GABRG3: variants seen among roughly 807,000 people sequenced by gnomAD.
GABRG3 encodes gamma-aminobutyric acid type A receptor subunit gamma3.
A neutral mutation model predicts 48.8 loss-of-function variants in GABRG3; 25 were observed. That is an observed-to-expected ratio of 0.51 (90% CI 0.37 to 0.72). The LOEUF (loss-of-function observed/expected upper bound fraction) is 0.72, where lower values mean the gene tolerates loss of function less well. GABRG3 is among the 30% of genes least tolerant of loss of function. The probability of loss-of-function intolerance (pLI) is 0.00; values close to 1 mark genes in which losing one functional copy is unlikely to be tolerated. For missense variants in GABRG3, 394 were observed against 577.9 expected (o/e 0.68, Z 3.26); for synonymous variants, 227 against 217.6 (o/e 1.04, Z -0.38).
rs146967827 is a variant in GABRG3 at position 27,321,662 on chromosome 15, G to C, written c.271-5147G>C. 2.2e-3 allele frequency among the ~76,000 whole-genome samples: 339 copies of C among 152,250 alleles called. 1 individual carries two copies. The highest frequency in any genetic ancestry group is 7.8e-3 in the African/African-American group (323 of 41,544). ...ATTTGTTTATCTAACTCAAGCTAACGAGCTGAGGCCCAATAGGGGGAAAGA... is the reference window on the plus strand; with the variant it reads ...ATTTGTTTATCTAACTCAAGCTAACCAGCTGAGGCCCAATAGGGGGAAAGA... On this transcript the variant is annotated intron_variant, in intron 3 of 9. Coordinates refer to ENST00000615808, the MANE Select transcript of GABRG3 (RefSeq NM_033223.5).
At chr15:27,133,099 T>C (rs544940635) in intron 3 of GABRG3, among the ~76,000 whole-genome samples, 2 of 152,252 alleles carry the variant, frequency 1.3e-5, no homozygotes, top group African/African-American at 4.8e-5. Context: ...TTTCCACATA[T>C]TTGTGATTTT....
chr15:27,121,387 A>G (rs548587663), intron 3 of GABRG3, among the ~76,000 whole-genome samples: 2 of 152,314 alleles, frequency 1.3e-5, no homozygotes, highest in Admixed American at 1.3e-4. Context: ...AGCCTTAAAG[A>G]GGGGCTCAAC....
At chr15:27,471,149 T>C (rs1176805838) in intron 5 of GABRG3, among the ~76,000 whole-genome samples, 1 of 151,686 alleles carries the variant, frequency 6.6e-6, no homozygotes, top group African/African-American at 2.4e-5. Flanking sequence ...GTTTAGGGGG[T>C]GGGGGCTAGG....
At chr15:27,494,151 G>A (rs2150850795) in intron 6 of GABRG3, among the ~76,000 whole-genome samples, 1 of 152,038 alleles carries the variant, frequency 6.6e-6, no homozygotes, top group East Asian at 1.9e-4. Context: ...TTTGGTCATT[G>A]TAAATAATTA....
At chr15:27,022,674 G>T (rs973838938) in intron 2 of GABRG3, among the ~76,000 whole-genome samples, 1 of 152,092 alleles carries the variant, frequency 6.6e-6, no homozygotes, top group East Asian at 1.9e-4. Flanking sequence ...TTTTTGGTAC[G>T]TGGCTCTAGG....
intron 3 of GABRG3, among the ~76,000 whole-genome samples, chr15:27,220,647 G>A (rs1233398298): frequency 6.6e-6 from 1 of 152,192 alleles, no homozygotes; most frequent in African/African-American, 2.4e-5. Flanking sequence ...ATGCTAAGAT[G>A]TTCTATAGAG....
intron 3 of GABRG3, among the ~76,000 whole-genome samples, chr15:27,188,906 A>G (rs892732980): frequency 5.4e-4 from 81 of 150,374 alleles, no homozygotes; most frequent in African/African-American, 1.9e-3. Flanking sequence ...ATTTTTGTAT[A>G]AGGTGTAAGG....
intron 3 of GABRG3, among the ~76,000 whole-genome samples, chr15:27,217,423 G>T (rs951340725): frequency 6.6e-6 from 1 of 152,142 alleles, no homozygotes; most frequent in African/African-American, 2.4e-5. Context: ...TCACCCACCA[G>T]TGGGTATCAT....
At chr15:27,435,963 A>G (rs1481404341) in intron 5 of GABRG3, among the ~76,000 whole-genome samples, 1 of 152,200 alleles carries the variant, frequency 6.6e-6, no homozygotes, top group African/African-American at 2.4e-5. Flanking sequence ...TACCAGTACC[A>G]GGTGATGGGA....
intron 3 of GABRG3, among the ~76,000 whole-genome samples, chr15:27,080,333 G>A (rs1566929368): frequency 1.3e-5 from 2 of 152,128 alleles, no homozygotes; most frequent in Non-Finnish European, 1.5e-5. Context: ...ATGGTGGTGT[G>A]TGCCTGTAAT....
intron 3 of GABRG3, among the ~76,000 whole-genome samples, chr15:27,251,245 C>T (rs1890447370): frequency 6.6e-6 from 1 of 152,108 alleles, no homozygotes; most frequent in Non-Finnish European, 1.5e-5. Flanking sequence ...CCTCTCTTGT[C>T]CTCAGCGGTG....
chr15:27,273,131 A>T (rs1462125122), intron 3 of GABRG3, among the ~76,000 whole-genome samples: 1 of 152,228 alleles, frequency 6.6e-6, no homozygotes, highest in Non-Finnish European at 1.5e-5. Flanking sequence ...AGTAAAAATG[A>T]TAGAGAAATG....
chr15:27,041,829 AG>A (rs1896281480), intron 3 of GABRG3, among the ~76,000 whole-genome samples: 1 of 152,066 alleles, frequency 6.6e-6, no homozygotes, highest in Non-Finnish European at 1.5e-5. Flanking sequence ...GCAAGAGGAG[AG>A]GTGCCATCAG....
intron 3 of GABRG3, among the ~76,000 whole-genome samples, chr15:27,070,651 T>C (rs1288492058): frequency 6.6e-6 from 1 of 152,210 alleles, no homozygotes; most frequent in Non-Finnish European, 1.5e-5. Context: ...TGACAATTTG[T>C]ATAAATGAAA....
chr15:26,977,526 A>AT (rs1894973906), intron 2 of GABRG3, among the ~76,000 whole-genome samples: 1 of 152,058 alleles, frequency 6.6e-6, no homozygotes, highest in South Asian at 2.1e-4. Context: ...TTGTTATTTT[A>AT]TTTTTATTTA....
chr15:26,985,271 C>T (rs966535831), intron 2 of GABRG3, among the ~76,000 whole-genome samples: 1 of 152,094 alleles, frequency 6.6e-6, no homozygotes, highest in African/African-American at 2.4e-5. Flanking sequence ...GACATGACAC[C>T]GGGCACTGAC....
At chr15:27,111,049 G>A (rs893658139) in intron 3 of GABRG3, among the ~76,000 whole-genome samples, 3 of 152,044 alleles carry the variant, frequency 2.0e-5, no homozygotes, top group African/African-American at 7.2e-5. Flanking sequence ...ATATGACATT[G>A]CCTCATAGTT....
chr15:26,979,120 T>G (rs1895005006), intron 2 of GABRG3, among the ~76,000 whole-genome samples: 1 of 152,240 alleles, frequency 6.6e-6, no homozygotes, highest in South Asian at 2.1e-4. Flanking sequence ...TAACATTTCA[T>G]TTTGCCTGTG....
intron 9 of GABRG3, among the ~76,000 whole-genome samples, chr15:27,528,454 A>G (rs547145071): frequency 1.3e-5 from 2 of 152,338 alleles, no homozygotes; most frequent in East Asian, 3.9e-4. Flanking sequence ...GGGCTTATCC[A>G]CATTTTTCAC....
Sources: gnomAD v4.1 joint callset for allele counts (sites outside exome capture counted in the v4.1 genomes callset) on GRCh38, gnomAD v4.1.1 for gene constraint, MANE v1.5 for transcripts, NCBI Gene and HGNC (gene_info 2026-07-23, HGNC 2026-07-21) for gene names.